CD163L1: variants seen among roughly 807,000 people sequenced by gnomAD.
The protein encoded by CD163L1 is CD163 molecule like 1.
In CD163L1, 124 loss-of-function variants were observed where a neutral mutation model predicts 165.4. That is an observed-to-expected ratio of 0.75 (90% CI 0.65 to 0.87). CD163L1 has a LOEUF of 0.87. Ranked by LOEUF, CD163L1 falls within the 40% of genes least tolerant of loss-of-function variation. CD163L1 has a pLI of 0.00. For missense variants in CD163L1, 1,525 were observed against 1,799.9 expected (o/e 0.85, Z 2.76); for synonymous variants, 585 against 662.2 (o/e 0.88, Z 1.79).
rs767246817 is a variant in CD163L1, at chr12:7,383,701, T to G, written c.2051-4403A>C. ...AAGCCAAAGAGGAAATCCCAGACAC[T>G]CTTCACACTGATTATCACTGAAGAA... On this transcript the variant is annotated intron_variant, in intron 8 of 19. Coordinates refer to ENST00000313599, the MANE Select transcript of CD163L1 (RefSeq NM_174941.6). 2.6e-5 allele frequency among the ~76,000 whole-genome samples: 4 copies of G among 152,272 alleles called. No individual in the cohort carries two copies. The South Asian group carries it at 8.3e-4, about 32-fold the overall frequency.
chr12:7,391,830 C>T (rs7135450), intron 8 of CD163L1, among the ~76,000 whole-genome samples: 18,719 of 151,948 alleles, frequency 0.12, 1,662 homozygotes, highest in African/African-American at 0.24. Context: ...ACAAAGAAGG[C>T]CATTACATAA....
At chr12:7,378,575 G>A (rs1947319258) in intron 9 of CD163L1, among the ~76,000 whole-genome samples, 4 of 151,926 alleles carry the variant, frequency 2.6e-5, no homozygotes, top group East Asian at 1.9e-4. Context: ...TTAGTTCCTG[G>A]AATAACACAA....
At chr12:7,383,053 T>G (rs1442155381) in intron 8 of CD163L1, among the ~76,000 whole-genome samples, 1 of 152,128 alleles carries the variant, frequency 6.6e-6, no homozygotes, top group Non-Finnish European at 1.5e-5. Context: ...CAACCCCACT[T>G]CCTCGCAGCA....
chr12:7,336,729 A>C, the CD163L1 span, among the ~76,000 whole-genome samples: 1 of 152,178 alleles, frequency 6.6e-6, no homozygotes, highest in Non-Finnish European at 1.5e-5. Context: ...CATAGGAAGA[A>C]TCAATATCGT....
Position 7,375,536 on chromosome 12 carries a change from T to C in CD163L1, c.2746A>G (p.Asn916Asp), listed in dbSNP as rs1407723939. ...KSQCDGQVEI[N>D]VLGHWGSLCD... ...AGTGAGCCCCAGTGTCCAAGCACGT[T>C]GATCTCCACTTGCCCGTCACACTGG... Residue 916 changes from asparagine (N) to aspartate (D), a missense_variant, in exon 11 of 20, where the codon AAC (asparagine) becomes GAC (aspartate). Transcript: ENST00000313599. The C allele has an allele frequency of 1.2e-6, 2 of 1,613,966 alleles. No individual in the cohort carries two copies. The highest frequency in any genetic ancestry group is 1.1e-5 in the South Asian group (1 of 91,082).
intron 4 of CD163L1, among the ~76,000 whole-genome samples, chr12:7,422,666 TATC>T (rs1351296915): frequency 1.3e-5 from 2 of 149,676 alleles, no homozygotes; most frequent in East Asian, 3.9e-4. Flanking sequence ...ATATATCTCA[TATC>T]ATAACTATCT....
intron 8 of CD163L1, among the ~76,000 whole-genome samples, chr12:7,395,124 G>A (rs1190501340): frequency 1.3e-5 from 2 of 152,162 alleles, no homozygotes; most frequent in Admixed American, 6.5e-5. Flanking sequence ...AAATCATGCT[G>A]CTATAAAGAT....
Position 7,372,813 on chromosome 12 carries a change from T to C in CD163L1, c.3730+507A>G, listed in dbSNP as rs947433212. ...TGGAATGCATTTTATTATTTATAAT[T>C]GTACAATTTCTAAAATCTCTACAAT... On this transcript the variant is annotated intron_variant, in intron 14 of 19. Transcript: ENST00000313599. The surrounding 1 kb of genome is among the most constrained non-coding windows in gnomAD (Gnocchi z 4.2). Among the ~76,000 whole-genome samples, 6 of 152,050 alleles carry C rather than the reference T, an allele frequency of 3.9e-5. No individual in the cohort carries two copies. Among genetic ancestry groups the C allele is most frequent in the African/African-American group, 1.4e-4 (6 of 41,438 alleles).
At chr12:7,397,493 A>T (rs1947803334) in intron 7 of CD163L1, among the ~76,000 whole-genome samples, 1 of 152,192 alleles carries the variant, frequency 6.6e-6, no homozygotes. Flanking sequence ...GAAAATTAGG[A>T]TGGGGCCATA....
At chr12:7,442,600 A>G (rs115005207) in intron 1 of CD163L1, among the ~76,000 whole-genome samples, 2,289 of 152,294 alleles carry the variant, frequency 0.015, 65 homozygotes, top group African/African-American at 0.051. Flanking sequence ...AACAGGGAGA[A>G]ATAAGTGTGG....
Position 7,433,441 on chromosome 12 carries a change from T to G in CD163L1, c.378A>C (p.Glu126Asp). ...GGCTTCCCCATTCCCGGTGTTGACA[T>G]TCCCAGAGAGCTGACTCATTTCCAT... ...SCYGNESALW[E>D]CQHREWGSHN... Residue 126 changes from glutamate (E) to aspartate (D), a missense_variant, in exon 3 of 20, where the codon GAA becomes GAC. Physicochemically the swap from Glu to Asp is conservative, Grantham distance 45. Transcript: ENST00000313599. The G allele has an allele frequency of 1.2e-6, 2 of 1,613,662 alleles. No individual in the cohort carries two copies. Among genetic ancestry groups the G allele is most frequent in the South Asian group, 1.1e-5 (1 of 90,982 alleles).
At chr12:7,383,589 A>G (rs764058159) in intron 8 of CD163L1, among the ~76,000 whole-genome samples, 8 of 152,274 alleles carry the variant, frequency 5.3e-5, no homozygotes, top group African/African-American at 1.9e-4. Context: ...TGCTGCTACC[A>G]CCACCACTGA....
chr12:7,332,945 A>C, the CD163L1 span, among the ~76,000 whole-genome samples: 1 of 152,212 alleles, frequency 6.6e-6, no homozygotes, highest in East Asian at 1.9e-4. Flanking sequence ...ACTAACCTTA[A>C]ATGTAAATGG....
intron 4 of CD163L1, among the ~76,000 whole-genome samples, chr12:7,427,598 T>C (rs1461339226): frequency 6.6e-6 from 1 of 152,114 alleles, no homozygotes; most frequent in Non-Finnish European, 1.5e-5. Flanking sequence ...TTACAGTTTT[T>C]CTCAAACTCA....
At position 7,357,433 on chromosome 12, in the gene CD163L1, C is replaced by T. The variant is rs768990952; in HGVS notation, c.4333G>A (p.Val1445Ile). The change falls in exon 19 of 20, where the codon GTT (valine) becomes ATT (isoleucine). Residue 1445 changes from valine to isoleucine, a missense_variant. Physicochemically the swap from Val to Ile is conservative, Grantham distance 29. Coordinates refer to ENST00000313599, the MANE Select transcript of CD163L1 (RefSeq NM_174941.6). ...EDASDTSLLG[V>I]LPASEATK is the part of the protein sequence containing the mutation. ...TTTGTGGCTTCAGAGGCAGGAAGAA[C>T]TCCCAACAGCGATGTGTCGCTAGCA... 6.2e-7 allele frequency: 1 copy of T among 1,612,644 alleles called. No homozygotes were observed. The highest frequency in any genetic ancestry group is 8.5e-7 in the Non-Finnish European group (1 of 1,179,076).
chr12:7,409,142 G>C (rs982740048), intron 4 of CD163L1, among the ~76,000 whole-genome samples: 2 of 152,154 alleles, frequency 1.3e-5, no homozygotes, highest in Non-Finnish European at 2.9e-5. Context: ...ACAGTCAATA[G>C]ATAAGGAATA....
chr12:7,343,355 C>G (rs1339544707), downstream of CD163L1, among the ~76,000 whole-genome samples: 1 of 152,146 alleles, frequency 6.6e-6, no homozygotes, highest in African/African-American at 2.4e-5. Flanking sequence ...GTTGAAATCT[C>G]AATCTCAATG....
At chr12:7,357,547 G>A in intron 18 of CD163L1, 61 bp from the exon 19 acceptor site, 1 of 1,376,082 alleles carries the variant, frequency 7.3e-7, no homozygotes, top group Non-Finnish European at 1.0e-6. Flanking sequence ...AGAGGGAAGA[G>A]CTGTTAAGTG....
At position 7,375,421 on chromosome 12, in the gene CD163L1, T is replaced by C; in HGVS notation, c.2861A>G (p.Tyr954Cys). 6.8e-6 allele frequency: 11 copies of C among 1,614,144 alleles called. No individual in the cohort carries two copies. Among genetic ancestry groups the C allele is most frequent in the Non-Finnish European group, 9.3e-6 (11 of 1,180,018 alleles). The part of the protein sequence containing the change: ...GTALSTTGGK[Y>C]IGERSVRVWG... ...CACACGAACACTTCTTTCTCCAATA[T>C]ATTTTCCTCCTGTGGTTGAGAGAGC... Residue 954 changes from tyrosine to cysteine, a missense_variant, in exon 11 of 20, where the codon TAT (tyrosine) becomes TGT (cysteine). Coordinates refer to ENST00000313599, the MANE Select transcript of CD163L1 (RefSeq NM_174941.6).
Sources: gnomAD v4.1 joint callset for allele counts (sites outside exome capture counted in the v4.1 genomes callset) on GRCh38, gnomAD v4.1.1 for gene constraint, Gnocchi (gnomAD v3.1) non-coding constraint, MANE v1.5 for transcripts, NCBI Gene and HGNC (gene_info 2026-07-23, HGNC 2026-07-21) for gene names.